Variants in PNPLA6 observed in about 807,000 individuals in gnomAD.
PNPLA6 encodes patatin like domain 6, lysophospholipase, also known as patatin-like phospholipase domain-containing protein 6.
In PNPLA6, 105 loss-of-function variants were observed where a neutral mutation model predicts 153.7. The observed-to-expected ratio is 0.68, with a 90% CI of 0.58 to 0.80. PNPLA6 has a LOEUF of 0.80. Among genes scored for constraint, PNPLA6 ranks in the 30% least tolerant of loss-of-function variants. The pLI is 0.00. For missense variants in PNPLA6, 1,423 were observed against 1,919.3 expected, an observed-to-expected ratio of 0.74 and a Z score of 4.83; for synonymous variants, 825 against 822.2, an observed-to-expected ratio of 1.00 and a Z score of -0.06.
At chr19:7,559,646 C>T (rs2024021941) in intron 28 of PNPLA6, among the ~76,000 whole-genome samples, 1 of 151,328 alleles carries the variant, frequency 6.6e-6, no homozygotes, top group Non-Finnish European at 1.5e-5. Context: ...CAAGACCAGC[C>T]TGTGCAACAT....
intron 13 of PNPLA6, 86 bp from the exon 14 acceptor site, chr19:7,549,821 T>C: frequency 7.5e-7 from 1 of 1,335,332 alleles, no homozygotes; most frequent in Non-Finnish European, 1.1e-6. Context: ...CTTTCTTCTT[T>C]AATTTTTTCC....
intron 13 of PNPLA6, among the ~76,000 whole-genome samples, chr19:7,548,417 AAAAAT>A (rs1431816845): frequency 3.3e-5 from 5 of 152,002 alleles, no homozygotes; most frequent in African/African-American, 1.2e-4. Context: ...AAAAAAAAAA[AAAAAT>A]CTCATAATGT....
In PNPLA6 at chr19:7,542,038, G is replaced by T. The variant is rs150500586; in HGVS notation, c.1223G>T (p.Arg408Leu). 114 of 1,607,076 alleles carry T rather than the reference G, an allele frequency of 7.1e-5. No individual in the cohort carries two copies. The highest frequency in any genetic ancestry group is 9.3e-5 in the Non-Finnish European group (110 of 1,179,886). ...LETPSAPLLS[R>L]CVSMPGDISG... is the part of the protein sequence containing the mutation. ...ACCCCCTCGGCCCCTCTGCTGAGCC[G>T]CTGCGTCTCCATGCCAGGGGACATC... Residue 408 changes from arginine (R) to leucine (L), a missense_variant, in exon 10 of 32, where the codon CGC (arginine) becomes CTC (leucine). By Grantham distance (102) the Arg-to-Leu change is moderately radical. Transcript: ENST00000600737.
rs1015498601 is a variant in PNPLA6, at chr19:7,550,165, T to A, written c.1814+53T>A. 4.3e-6 allele frequency: 7 copies of A among 1,609,200 alleles called. No homozygotes were observed. The African/African-American group carries it at 8.0e-5, about 18-fold the overall frequency. On this transcript the variant is annotated intron_variant, in intron 14 of 31. Coordinates refer to ENST00000600737, the MANE Select transcript of PNPLA6 (RefSeq NM_001166114.2). ...GTGGCACTCGGAGGACCCCAACCCGTGGGAGTGGCCAGAACCCCATCCCTC... is the reference window on the plus strand; with the variant it reads ...GTGGCACTCGGAGGACCCCAACCCGAGGGAGTGGCCAGAACCCCATCCCTC...
chr19:7,544,960 C>T (rs1291119025), intron 13 of PNPLA6, among the ~76,000 whole-genome samples: 1 of 152,176 alleles, frequency 6.6e-6, no homozygotes, highest in Non-Finnish European at 1.5e-5. Flanking sequence ...TCTGCAGCCC[C>T]TCAGAGCTTC....
intron 3 of PNPLA6, among the ~76,000 whole-genome samples, chr19:7,539,165 T>C (rs2023005508): frequency 6.6e-6 from 1 of 152,218 alleles, no homozygotes. Flanking sequence ...TTTGTACCAA[T>C]AAAACTTTAT....
chr19:7,542,598 C>G lies in PNPLA6; in HGVS notation c.1290C>G (p.Ala430=), dbSNP rs763990023. 1.9e-5 allele frequency: 31 copies of G among 1,613,770 alleles called. No individual in the cohort carries two copies. The highest frequency in any genetic ancestry group is 3.3e-5 in the Admixed American group (2 of 60,034). ...GCCCCCGCTCCGACTTCGACATGGC[C>G]TATGAGCGTGGCCGGATCTCCGTGT... ...QGGPRSDFDM[A]YERGRISVSL... Residue 430 remains alanine, a synonymous_variant, in exon 11 of 32, where the codon GCC becomes GCG. Transcript: ENST00000600737.
chr19:7,538,430 A>G (rs495181), intron 3 of PNPLA6, among the ~76,000 whole-genome samples: 91,348 of 151,792 alleles, frequency 0.6, 28,158 homozygotes, highest in African/African-American at 0.75. Context: ...CAATCCTCCC[A>G]CCTCGGCCTC....
At chr19:7,539,082 T>C (rs1323442908) in intron 3 of PNPLA6, among the ~76,000 whole-genome samples, 2 of 152,234 alleles carry the variant, frequency 1.3e-5, no homozygotes, top group Non-Finnish European at 2.9e-5. Flanking sequence ...TGGCCACATA[T>C]GGTCCCCATT....
intron 21 of PNPLA6, 75 bp from the exon 22 acceptor site, chr19:7,554,818 G>T: frequency 6.4e-7 from 1 of 1,572,342 alleles, no homozygotes; most frequent in Non-Finnish European, 8.6e-7. Context: ...CGCCATGGGG[G>T]TAGGCGATCA....
At chr19:7,543,254 C>G (rs1185475111) in intron 13 of PNPLA6, among the ~76,000 whole-genome samples, 170 bp downstream of exon 13, 1 of 152,088 alleles carries the variant, frequency 6.6e-6, no homozygotes, top group Non-Finnish European at 1.5e-5. Flanking sequence ...GTGACCCCCA[C>G]CCCCTAACCC....
chr19:7,541,733 G>T lies in PNPLA6; in HGVS notation c.1168+49G>T, dbSNP rs2023153144. 2 of 1,534,332 alleles carry T rather than the reference G, an allele frequency of 1.3e-6. No individual in the cohort carries two copies. The highest frequency in any genetic ancestry group is 1.8e-6 in the Non-Finnish European group (2 of 1,140,574). ...CGAGCCCAATCTCCCAGGAAGCCCC[G>T]TCTCAGCCGCCAGCCCCTTTTTCAG... is the stretch of plus-strand genomic sequence containing the variant. On this transcript the variant is annotated intron_variant, in intron 9 of 31. Coordinates refer to ENST00000600737, the MANE Select transcript of PNPLA6 (RefSeq NM_001166114.2). This position sits in a 1 kb window ranked among gnomAD's most constrained non-coding sequence, Gnocchi z 5.2.
upstream of PNPLA6, chr19:7,534,621 C>T (rs1242154026): frequency 6.5e-6 from 1 of 153,070 alleles, no homozygotes; most frequent in African/African-American, 2.4e-5. Context: ...TCATAAGCAC[C>T]CCAGGAATGT....
rs1382958368 is a variant in PNPLA6 at position 7,551,426 on chromosome 19, G to T, written c.2249G>T (p.Gly750Val). The change falls in exon 18 of 32, where the codon GGA becomes GTA. Residue 750 changes from glycine to valine, a missense_variant. Gly to Val is a moderately radical substitution (Grantham distance 109, BLOSUM62 -3). Transcript: ENST00000600737. ...KILGNLQQLQ[G>V]PFPGSGLGVP... ...CTAGGGAATTTGCAGCAGCTGCAAG[G>T]ACCCTTCCCAGGTGAGAGCCGGCCG... 6.2e-7 allele frequency: 1 copy of T among 1,613,890 alleles called. No homozygotes were observed. Among genetic ancestry groups the T allele is most frequent in the South Asian group, 1.1e-5 (1 of 91,078 alleles).
rs980924069 is a variant in PNPLA6, at chr19:7,540,573, C to T, written c.715-57C>T. On this transcript the variant is annotated intron_variant, in intron 5 of 31. Transcript: ENST00000600737. This position sits in a 1 kb window ranked among gnomAD's most constrained non-coding sequence, Gnocchi z 6.8. ...GTGATCATTGGGATGGATGAGGGGG[C>T]GACATGCCAGTCACCAGGGCGAGGC... 17 of 1,339,224 alleles carry T rather than the reference C, an allele frequency of 1.3e-5. No individual in the cohort carries two copies. The East Asian group carries it at 1.6e-4, about 13-fold the overall frequency. 83.0% of individuals were successfully genotyped at this position (1,339,224 alleles called of 1,614,324 possible). A position where few individuals can be genotyped will look rare whatever the true frequency, so the allele number is the denominator to read the frequency against.
chr19:7,556,306 G>T, intron 24 of PNPLA6, 147 bp from the exon 25 acceptor site: 1 of 749,538 alleles, frequency 1.3e-6, no homozygotes, highest in Non-Finnish European at 2.5e-6. Flanking sequence ...CAAGTGATCT[G>T]CCCGCCTTGG....
Position 7,539,848 on chromosome 19 carries a change from C to CGGG in PNPLA6, c.414-67_414-65dup, listed in dbSNP as rs558963175. On this transcript the variant is annotated intron_variant, in intron 3 of 31. Coordinates refer to ENST00000600737, the MANE Select transcript of PNPLA6 (RefSeq NM_001166114.2). ...CATGAGCCCTGGGGAAAGGGGTATG[C>CGGG]GGGGGTCTTAGGTTTGCCTGAGCCT... 10 of 1,052,292 alleles carry CGGG rather than the reference C, an allele frequency of 9.5e-6. No individual in the cohort carries two copies. In the African/African-American group the frequency reaches 1.6e-4, roughly 16 times the overall value. The allele number at this position is 1,052,292 out of a possible 1,614,324, so 65.2% of individuals were successfully genotyped here. A position where few individuals can be genotyped will look rare whatever the true frequency, so the allele number is the denominator to read the frequency against.
rs1183632472 is a variant in PNPLA6, at chr19:7,550,385, C to T, written c.1902C>T (p.Phe634=). ...RMSPFVRQMD[F]AIDWTAVEAG... is the part of the protein sequence containing the mutation. ...CGCCCTTCGTGCGCCAGATGGACTT[C>T]GCCATCGACTGGACTGCAGTGGAGG... Residue 634 remains phenylalanine, a synonymous_variant, in exon 15 of 32, where the codon TTC becomes TTT. Coordinates refer to ENST00000600737, the MANE Select transcript of PNPLA6 (RefSeq NM_001166114.2). 4 of 1,611,988 alleles carry T rather than the reference C, an allele frequency of 2.5e-6. No homozygotes were observed. The highest frequency in any genetic ancestry group is 1.3e-5 in the African/African-American group (1 of 75,078).
chr19:7,542,668 C>T lies in PNPLA6; in HGVS notation c.1360C>T (p.Arg454Trp), dbSNP rs1016628214. The change falls in exon 11 of 32, where the codon CGG becomes TGG. Residue 454 changes from arginine (R) to tryptophan (W), a missense_variant and splice_region_variant. Coordinates refer to ENST00000600737, the MANE Select transcript of PNPLA6 (RefSeq NM_001166114.2). ...CGGGGGGTCCCTGGCAGCCCCCGCT[C>T]GGGTAAGGCTTGGGACCCTGCCCGG... ...ASGGSLAAPARTPTQEPREQP... is the reference protein window; with the variant it reads ...ASGGSLAAPAWTPTQEPREQP... The T allele has an allele frequency of 1.5e-5, 24 of 1,612,656 alleles. No individual in the cohort carries two copies. Among genetic ancestry groups the T allele is most frequent in the Non-Finnish European group, 1.9e-5 (23 of 1,179,704 alleles).
Sources: gnomAD v4.1 joint callset for allele counts (sites outside exome capture counted in the v4.1 genomes callset) on GRCh38, gnomAD v4.1.1 for gene constraint, Gnocchi (gnomAD v3.1) non-coding constraint, MANE v1.5 for transcripts, NCBI Gene and HGNC (gene_info 2026-07-23, HGNC 2026-07-21) for gene names.